The following EXOC4 variants were observed in gnomAD, a reference collection of about 807,000 sequenced individuals.
EXOC4 encodes SEC8-like 1.
Under a neutral mutation model 107.2 loss-of-function variants are expected in EXOC4, and 71 were observed. The observed-to-expected ratio is 0.66, with a 90% confidence interval of 0.55 to 0.81. The LOEUF (loss-of-function observed/expected upper bound fraction) is 0.81. Ranked by LOEUF, EXOC4 falls within the 30% of genes least tolerant of loss-of-function variation. EXOC4 has a pLI of 0.00. For synonymous variants in EXOC4, 456 were observed against 441.2 expected (o/e 1.03, Z -0.42); for missense variants, 1,108 against 1,189.6 (o/e 0.93, Z 1.01).
chr7:133,455,236 G>A (rs1033170425), intron 7 of EXOC4, among the ~76,000 whole-genome samples: 1 of 152,202 alleles, frequency 6.6e-6, no homozygotes, highest in African/African-American at 2.4e-5. Flanking sequence ...AGGAAGGGGT[G>A]AAGTGGGCCA....
intron 9 of EXOC4, among the ~76,000 whole-genome samples, chr7:133,538,591 G>A (rs1800318038): frequency 6.6e-6 from 1 of 152,072 alleles, no homozygotes; most frequent in Non-Finnish European, 1.5e-5. Context: ...TGAGGCTGGA[G>A]CATCACTTGA....
intron 7 of EXOC4, among the ~76,000 whole-genome samples, chr7:133,389,570 CAAAA>C (rs1202921998): frequency 1.8e-4 from 3 of 16,386 alleles, no homozygotes; most frequent in African/African-American, 2.8e-4. Flanking sequence ...TGAAACTCCT[CAAAA>C]AAAAAAAAAA....
At chr7:133,689,916 G>A (rs1585080927) in intron 10 of EXOC4, among the ~76,000 whole-genome samples, 1 of 152,338 alleles carries the variant, frequency 6.6e-6, no homozygotes, top group South Asian at 2.1e-4. Flanking sequence ...TGAGTGTTTT[G>A]ATGAGCTGAG....
intron 9 of EXOC4, among the ~76,000 whole-genome samples, chr7:133,620,512 T>A (rs1337546361): frequency 6.6e-6 from 1 of 152,226 alleles, no homozygotes; most frequent in East Asian, 1.9e-4. Flanking sequence ...TGTACCTGGA[T>A]GTTTCTAGCA....
chr7:133,787,965 A>ATATATT (rs1796618407), intron 10 of EXOC4, among the ~76,000 whole-genome samples: 6 of 12,148 alleles, frequency 4.9e-4, no homozygotes, highest in Non-Finnish European at 7.4e-4. Flanking sequence ...TTATATATTT[A>ATATATT]TATATATATA....
intron 3 of EXOC4, among the ~76,000 whole-genome samples, chr7:133,295,703 G>C (rs1794504203): frequency 6.6e-6 from 1 of 152,098 alleles, no homozygotes; most frequent in Admixed American, 6.6e-5. Context: ...CAAATAGACT[G>C]ATCTTATTTT....
intron 10 of EXOC4, among the ~76,000 whole-genome samples, chr7:133,750,408 G>A (rs111441465): frequency 8.4e-4 from 127 of 152,026 alleles, no homozygotes; most frequent in African/African-American, 2.9e-3. Flanking sequence ...TTCCCTAATC[G>A]GAGATTCAGA....
chr7:133,525,185 T>G (rs1800056587), intron 9 of EXOC4, among the ~76,000 whole-genome samples: 1 of 152,138 alleles, frequency 6.6e-6, no homozygotes, highest in African/African-American at 2.4e-5. Context: ...TGGAGGAAAA[T>G]GTGACTCCTG....
intron 16 of EXOC4, among the ~76,000 whole-genome samples, chr7:134,006,591 T>C (rs1205268335): frequency 6.6e-6 from 1 of 152,060 alleles, no homozygotes; most frequent in Non-Finnish European, 1.5e-5. Flanking sequence ...TTTGAAGACA[T>C]GGGGAGCCAT....
chr7:133,373,727 T>A (rs995821291), intron 6 of EXOC4, among the ~76,000 whole-genome samples: 2 of 152,196 alleles, frequency 1.3e-5, no homozygotes, highest in African/African-American at 4.8e-5. Flanking sequence ...CCACAAAATA[T>A]ACAATAAAGC....
chr7:133,880,442 A>C (rs1798941552), intron 11 of EXOC4, among the ~76,000 whole-genome samples: 1 of 152,140 alleles, frequency 6.6e-6, no homozygotes, highest in African/African-American at 2.4e-5. Context: ...TTTCTTATAA[A>C]TGCTAATGCT....
intron 9 of EXOC4, among the ~76,000 whole-genome samples, chr7:133,515,408 T>TAC (rs1799854322): frequency 2.0e-5 from 3 of 152,080 alleles, no homozygotes; most frequent in Admixed American, 2.0e-4. Context: ...TACATATATA[T>TAC]ACACGTGTAT....
chr7:133,714,586 A>T (rs1262216974), intron 10 of EXOC4, among the ~76,000 whole-genome samples: 2 of 152,244 alleles, frequency 1.3e-5, no homozygotes, highest in East Asian at 3.8e-4. Flanking sequence ...AGTTCAACTG[A>T]GTATAAATCA....
intron 17 of EXOC4, among the ~76,000 whole-genome samples, chr7:134,008,649 AT>A (rs1176618176): frequency 1.3e-5 from 2 of 151,138 alleles, no homozygotes; most frequent in Non-Finnish European, 3.0e-5. Context: ...TCTGATCTTA[AT>A]TTTTTTTTAA....
intron 7 of EXOC4, among the ~76,000 whole-genome samples, chr7:133,411,918 A>G (rs1797363997): frequency 6.6e-6 from 1 of 152,122 alleles, no homozygotes; most frequent in Non-Finnish European, 1.5e-5. Flanking sequence ...AAATACTTGA[A>G]TGTATGTGCT....
At chr7:133,513,528 T>C (rs895069610) in intron 9 of EXOC4, among the ~76,000 whole-genome samples, 4 of 152,224 alleles carry the variant, frequency 2.6e-5, no homozygotes, top group Non-Finnish European at 5.9e-5. Context: ...CAGCATACTA[T>C]ACTAAAGTTT....
intron 3 of EXOC4, 144 bp downstream of exon 3, chr7:133,289,260 A>C (rs1001031237): frequency 3.3e-6 from 2 of 605,428 alleles, no homozygotes; most frequent in African/African-American, 3.7e-5. Context: ...AAGCCTGGGT[A>C]TTTCTCTAAT....
chr7:133,749,244 C>T (rs1420551251), intron 10 of EXOC4, among the ~76,000 whole-genome samples: 3 of 152,098 alleles, frequency 2.0e-5, no homozygotes, highest in African/African-American at 7.2e-5. Flanking sequence ...TTCACTGGAG[C>T]CTGAAGGGAT....
intron 13 of EXOC4, chr7:133,930,399 CAT>C (rs1420892665): frequency 6.6e-6 from 1 of 152,212 alleles, no homozygotes; most frequent in African/African-American, 2.4e-5. Context: ...TTTCCAAACT[CAT>C]AGAGCATTTC....
Sources: allele counts gnomAD v4.1 joint callset (sites outside exome capture counted in the v4.1 genomes callset), GRCh38; gene constraint gnomAD v4.1.1; transcripts MANE v1.5; gene names NCBI Gene and HGNC (gene_info 2026-07-23, HGNC 2026-07-21).